PPP4R4: variants seen among roughly 807,000 people sequenced by gnomAD.
PPP4R4 encodes the protein protein phosphatase 4 regulatory subunit 4, also known as serine/threonine-protein phosphatase 4 regulatory subunit 4.
A neutral mutation model predicts 121.8 loss-of-function variants in PPP4R4; 70 were observed. The observed-to-expected ratio is 0.57, with a 90% CI of 0.47 to 0.70. The LOEUF is 0.70. PPP4R4 is among the 30% of genes least tolerant of loss of function. The pLI is 0.00. For missense variants in PPP4R4, 875 were observed against 1,033.6 expected, an observed-to-expected ratio of 0.85 and a Z score of 2.10; for synonymous variants, 348 against 355.7, an observed-to-expected ratio of 0.98 and a Z score of 0.24.
rs139689514 is a variant in PPP4R4, at chr14:94,240,123, T to C, written c.854-550T>C. ...AAATCACCAGTATGTCAGATACTTA[T>C]GACCTAAGCAGATGTACTCAAATAA... On this transcript the variant is annotated intron_variant, in intron 8 of 24. Transcript: ENST00000304338. Among the ~76,000 whole-genome samples, 357 of 152,316 alleles carry C rather than the reference T, an allele frequency of 2.3e-3. 3 individuals are homozygous for C. Among genetic ancestry groups the C allele is most frequent in the East Asian group, 0.013 (65 of 5,192 alleles).
At chr14:94,260,532 T>C (rs1193365953) in intron 19 of PPP4R4, among the ~76,000 whole-genome samples, 3 of 152,164 alleles carry the variant, frequency 2.0e-5, no homozygotes, top group Non-Finnish European at 4.4e-5. Flanking sequence ...TACTATTGGG[T>C]ATGTAATGGT....
chr14:94,218,737 C>G (rs536937006), intron 3 of PPP4R4, among the ~76,000 whole-genome samples: 3 of 120,206 alleles, frequency 2.5e-5, no homozygotes, highest in Admixed American at 1.6e-4. Flanking sequence ...ACCGCACGTG[C>G]GCGCGCGCAC....
intron 7 of PPP4R4, 38 bp downstream of exon 7, chr14:94,234,707 A>T: frequency 2.2e-6 from 3 of 1,377,874 alleles, no homozygotes; most frequent in Non-Finnish European, 1.0e-6. Flanking sequence ...ATTTCCATGA[A>T]AACATGCCAT....
intron 2 of PPP4R4, among the ~76,000 whole-genome samples, chr14:94,193,139 AT>A (rs1191463929): frequency 6.6e-6 from 1 of 152,166 alleles, no homozygotes; most frequent in African/African-American, 2.4e-5. Flanking sequence ...GTCTAGCATC[AT>A]TGATCATTGA....
At chr14:94,191,093 A>T (rs1889574625) in intron 2 of PPP4R4, among the ~76,000 whole-genome samples, 1 of 152,218 alleles carries the variant, frequency 6.6e-6, no homozygotes, top group Admixed American at 6.5e-5. Context: ...CAAGATAAAC[A>T]ATACAAAAAA....
chr14:94,192,289 GA>G (rs1488495153), intron 2 of PPP4R4, among the ~76,000 whole-genome samples: 4 of 152,004 alleles, frequency 2.6e-5, no homozygotes, highest in African/African-American at 9.7e-5. Context: ...TGCTATATTT[GA>G]AAAATTACTG....
intron 19 of PPP4R4, among the ~76,000 whole-genome samples, chr14:94,259,911 T>C (rs1893682586): frequency 6.6e-6 from 1 of 152,196 alleles, no homozygotes; most frequent in Non-Finnish European, 1.5e-5. Flanking sequence ...TATTTCTGAG[T>C]AGTAGTCTAT....
chr14:94,180,878 A>G lies in PPP4R4; in HGVS notation c.191+4751A>G, dbSNP rs574024919. Among the ~76,000 whole-genome samples, 4 of 152,150 alleles carry G rather than the reference A, an allele frequency of 2.6e-5. No individual in the cohort carries two copies. The South Asian group carries it at 8.3e-4, about 32-fold the overall frequency. On this transcript the variant is annotated intron_variant, in intron 2 of 24. Transcript: ENST00000304338. Reference sequence around the variant, plus strand: ...GTAAGTGCTCCCCCTAGTGATATGAAAGAGTGAGATTTCTGCAGTCAAATC... The same window carrying G: ...GTAAGTGCTCCCCCTAGTGATATGAGAGAGTGAGATTTCTGCAGTCAAATC...
At chr14:94,215,669 T>C (rs1030898174) in intron 3 of PPP4R4, among the ~76,000 whole-genome samples, 2 of 152,206 alleles carry the variant, frequency 1.3e-5, no homozygotes, top group African/African-American at 4.8e-5. Flanking sequence ...ATGTAACTTA[T>C]TGTTTATTTC....
intron 16 of PPP4R4, among the ~76,000 whole-genome samples, chr14:94,255,050 T>C (rs1420248006): frequency 6.6e-6 from 1 of 152,210 alleles, no homozygotes. Context: ...ATCTCCAGCA[T>C]TGACATCTAC....
intron 3 of PPP4R4, among the ~76,000 whole-genome samples, chr14:94,224,659 G>A (rs1354712878): frequency 6.6e-6 from 1 of 152,154 alleles, no homozygotes; most frequent in African/African-American, 2.4e-5. Context: ...GAAATACTGT[G>A]AGCTCAATTT....
In PPP4R4 at chr14:94,227,815, C is replaced by A. The variant is rs897713437; in HGVS notation, c.295-2772C>A. ...TTAATATTTATTTGCAAAGTCCTTT[C>A]TGTTTCTAAATAAAAGCTGTGCCTT... is the stretch of plus-strand genomic sequence containing the variant. On this transcript the variant is annotated intron_variant, in intron 3 of 24. Transcript: ENST00000304338. The A allele has an allele frequency of 4.1e-6, 4 of 986,922 alleles. No homozygotes were observed. The African/African-American group carries it at 7.0e-5, about 17-fold the overall frequency. 61.1% of individuals were successfully genotyped at this position (986,922 alleles called of 1,614,324 possible). A position where few individuals can be genotyped will look rare whatever the true frequency, so the allele number is the denominator to read the frequency against.
At chr14:94,204,678 C>T (rs569503886) in intron 2 of PPP4R4, among the ~76,000 whole-genome samples, 2 of 152,184 alleles carry the variant, frequency 1.3e-5, no homozygotes, top group Admixed American at 1.3e-4. Context: ...TGGGGAGAAT[C>T]GCCATATTTA....
intron 3 of PPP4R4, among the ~76,000 whole-genome samples, chr14:94,224,880 C>T (rs1259987755): frequency 6.6e-6 from 1 of 151,756 alleles, no homozygotes; most frequent in African/African-American, 2.4e-5. Flanking sequence ...AATTTTACAC[C>T]AAGAAAATAA....
intron 18 of PPP4R4, 66 bp from the exon 19 acceptor site, chr14:94,259,229 G>A (rs1185109513): frequency 1.3e-6 from 2 of 1,535,886 alleles, no homozygotes; most frequent in African/African-American, 2.8e-5. Flanking sequence ...ATATTGAAAG[G>A]AATATTTTAA....
chr14:94,200,682 C>G (rs1890124127), intron 2 of PPP4R4, among the ~76,000 whole-genome samples: 1 of 152,064 alleles, frequency 6.6e-6, no homozygotes, highest in African/African-American at 2.4e-5. Flanking sequence ...GTTGTGATAT[C>G]TCCCGTTTCA....
chr14:94,246,484 G>A lies in PPP4R4; in HGVS notation c.1556G>A (p.Ser519Asn). The A allele has an allele frequency of 1.9e-6, 3 of 1,613,988 alleles. No individual in the cohort carries two copies. Among genetic ancestry groups the A allele is most frequent in the Non-Finnish European group, 2.5e-6 (3 of 1,179,898 alleles). ...GCCTGCCTGCCACATGTCATATCAA[G>A]CGATCAGATTTATTACCGTTTCTTA... ...KYACLPHVIS[S>N]DQIYYRFLQR... The change falls in exon 14 of 25, where the codon AGC becomes AAC. Residue 519 changes from serine to asparagine, a missense_variant. By Grantham distance (46) the Ser-to-Asn change is conservative. Transcript: ENST00000304338.
chr14:94,209,386 A>G (rs1330641305), intron 3 of PPP4R4, among the ~76,000 whole-genome samples: 1 of 151,928 alleles, frequency 6.6e-6, no homozygotes, highest in African/African-American at 2.4e-5. Context: ...TATGTGTTTA[A>G]AATACTGAAG....
At chr14:94,261,634 C>T (rs998828021) in intron 19 of PPP4R4, among the ~76,000 whole-genome samples, 1 of 151,932 alleles carries the variant, frequency 6.6e-6, no homozygotes, top group Non-Finnish European at 1.5e-5. Flanking sequence ...GCATCCTTGT[C>T]TTTTTACTGA....
Sources: allele counts gnomAD v4.1 joint callset (sites outside exome capture counted in the v4.1 genomes callset), GRCh38; gene constraint gnomAD v4.1.1; transcripts MANE v1.5; gene names NCBI Gene and HGNC (gene_info 2026-07-23, HGNC 2026-07-21).